DNAJB14: variants seen among roughly 807,000 people sequenced by gnomAD.
The protein encoded by DNAJB14 is DnaJ heat shock protein family (Hsp40) member B14.
In DNAJB14, 22 loss-of-function variants were observed where a neutral mutation model predicts 48.4. That is an observed-to-expected ratio of 0.45 (90% confidence interval 0.32 to 0.65). The LOEUF (loss-of-function observed/expected upper bound fraction) is 0.65. DNAJB14 is among the 30% of genes least tolerant of loss of function. The pLI is 0.03. For missense variants in DNAJB14, 319 were observed against 458.8 expected (o/e 0.70, Z 2.78); for synonymous variants, 142 against 158.7 (o/e 0.89, Z 0.79).
At chr4:99,946,307 G>A in intron 1 of DNAJB14, 132 bp downstream of exon 1, 1 of 1,389,134 alleles carries the variant, frequency 7.2e-7, no homozygotes, top group Non-Finnish European at 9.8e-7. Context: ...TCCCCACCGG[G>A]CCTGGGGCTG....
intron 7 of DNAJB14, among the ~76,000 whole-genome samples, chr4:99,901,824 C>T (rs1036436654): frequency 6.6e-6 from 1 of 151,942 alleles, no homozygotes; most frequent in African/African-American, 2.4e-5. Context: ...TTTATTAATA[C>T]CTGTAAAGAC....
chr4:99,921,613 C>T (rs555891806), intron 3 of DNAJB14, among the ~76,000 whole-genome samples: 1 of 152,204 alleles, frequency 6.6e-6, no homozygotes, highest in East Asian at 1.9e-4. Flanking sequence ...ATATTTTAAA[C>T]ATTTTTAAAA....
chr4:99,937,858 AT>A (rs1327585726), intron 1 of DNAJB14, among the ~76,000 whole-genome samples: 1 of 150,166 alleles, frequency 6.7e-6, no homozygotes. Context: ...AGGTGGGAGG[AT>A]CACTTGAGCC....
intron 2 of DNAJB14, chr4:99,924,803 T>A: frequency 6.3e-7 from 1 of 1,586,986 alleles, no homozygotes; most frequent in African/African-American, 1.3e-5. Context: ...AATGTTCCAA[T>A]ATCCATAAAG....
chr4:99,916,857 G>A (rs559296100), intron 3 of DNAJB14, among the ~76,000 whole-genome samples: 19 of 152,190 alleles, frequency 1.2e-4, no homozygotes, highest in African/African-American at 4.1e-4. Flanking sequence ...ATTGCCAGCC[G>A]GGCGTGGTGG....
chr4:99,912,889 T>C (rs55726736), intron 3 of DNAJB14, among the ~76,000 whole-genome samples: 42,050 of 152,170 alleles, frequency 0.28, 6,371 homozygotes, highest in African/African-American at 0.4. Flanking sequence ...GCTTTCAGTA[T>C]ATAAATGTGA....
chr4:99,906,132 TC>T, intron 5 of DNAJB14: 1 of 1,315,668 alleles, frequency 7.6e-7, no homozygotes, highest in Non-Finnish European at 9.9e-7. Flanking sequence ...CATTTACCTT[TC>T]CACTTCATGT....
At chr4:99,927,410 T>A (rs566397127) in intron 2 of DNAJB14, 24 of 152,346 alleles carry the variant, frequency 1.6e-4, no homozygotes, top group African/African-American at 5.5e-4. Context: ...TTTAGCGAAA[T>A]GATTTCTTCT....
At chr4:99,926,095 G>A (rs1462161809) in intron 2 of DNAJB14, 2 of 152,202 alleles carry the variant, frequency 1.3e-5, no homozygotes, top group Non-Finnish European at 2.9e-5. Context: ...TCCGGACCCT[G>A]ACTTAGCTCT....
chr4:99,913,323 TG>T (rs1391655959), intron 3 of DNAJB14, among the ~76,000 whole-genome samples: 1 of 152,220 alleles, frequency 6.6e-6, no homozygotes, highest in Non-Finnish European at 1.5e-5. Context: ...GTTCTGTAGT[TG>T]CTCTTTATCA....
At chr4:99,929,741 T>G (rs1726392635) in intron 2 of DNAJB14, 1 of 152,206 alleles carries the variant, frequency 6.6e-6, no homozygotes, top group Non-Finnish European at 1.5e-5. Context: ...TCACTCTCCA[T>G]GAGAATTCTT....
rs186070643 is a variant in DNAJB14 at position 99,924,085 on chromosome 4, T to G, written c.306-900A>C. Among the ~76,000 whole-genome samples, 202 of 152,284 alleles carry G rather than the reference T, an allele frequency of 1.3e-3. 1 individual carries two copies. Among genetic ancestry groups the G allele is most frequent in the East Asian group, 2.3e-3 (12 of 5,186 alleles). ...TGGAACAGAGAACATTACGTACATG[T>G]GGATGCCAACCTTCTTCCACAACCT... On this transcript the variant is annotated intron_variant, in intron 2 of 7. Transcript: ENST00000442697.
At chr4:99,906,397 A>T in intron 5 of DNAJB14, 120 bp downstream of exon 5, 1 of 1,049,710 alleles carries the variant, frequency 9.5e-7, no homozygotes, top group Admixed American at 2.4e-5. Flanking sequence ...TCTCTACCAA[A>T]CACCTCTAGT....
chr4:99,936,028 A>G (rs1726661463), intron 1 of DNAJB14, among the ~76,000 whole-genome samples: 1 of 152,216 alleles, frequency 6.6e-6, no homozygotes, highest in Non-Finnish European at 1.5e-5. Flanking sequence ...TGATTGTGCC[A>G]CTGCACTCCA....
At chr4:99,926,740 CA>C (rs988061940) in intron 2 of DNAJB14, 64 of 142,308 alleles carry the variant, frequency 4.5e-4, no homozygotes, top group Admixed American at 4.9e-4. Context: ...CACAGACAAA[CA>C]AAAAAAAAAG....
intron 3 of DNAJB14, among the ~76,000 whole-genome samples, chr4:99,917,746 T>C (rs909568324): frequency 1.3e-5 from 2 of 152,232 alleles, no homozygotes; most frequent in African/African-American, 4.8e-5. Flanking sequence ...ATATTTTTGC[T>C]GAGTATAGGA....
chr4:99,921,678 G>C (rs1726066109), intron 3 of DNAJB14, among the ~76,000 whole-genome samples: 1 of 151,898 alleles, frequency 6.6e-6, no homozygotes, highest in African/African-American at 2.4e-5. Context: ...CTCACTTTTA[G>C]CTTTTGGGGG....
rs1456740323 is a variant in DNAJB14, at chr4:99,898,439, A to G, written c.*2589T>C. The stretch of plus-strand genomic sequence containing the variant: ...AATTCAGTTCACATTTAATCAAACT[A>G]CATTTCGAAATTTACAGATGACTAA... On this transcript the variant is annotated 3_prime_UTR_variant, in exon 8 of 8. Coordinates refer to ENST00000442697, the MANE Select transcript of DNAJB14 (RefSeq NM_001031723.4). 3 of 152,030 alleles carry G rather than the reference A, an allele frequency of 2.0e-5. No individual in the cohort carries two copies. Among genetic ancestry groups the G allele is most frequent in the African/African-American group, 7.2e-5 (3 of 41,448 alleles). 9.4% of individuals were successfully genotyped at this position (152,030 alleles called of 1,614,324 possible). A position where few individuals can be genotyped will look rare whatever the true frequency, so the allele number is the denominator to read the frequency against.
intron 3 of DNAJB14, among the ~76,000 whole-genome samples, chr4:99,912,667 T>C (rs1455158949): frequency 6.6e-6 from 1 of 152,102 alleles, no homozygotes; most frequent in East Asian, 1.9e-4. Context: ...TTAGTAGAGA[T>C]GGGGTTTCTC....
Sources: allele counts gnomAD v4.1 joint callset (sites outside exome capture counted in the v4.1 genomes callset), GRCh38; gene constraint gnomAD v4.1.1; transcripts MANE v1.5; gene names NCBI Gene and HGNC (gene_info 2026-07-23, HGNC 2026-07-21).